The following FRMD8 variants were observed in gnomAD, a reference collection of about 807,000 sequenced individuals.
FRMD8 encodes the protein FERM domain-containing protein 8.
In FRMD8, 37 loss-of-function variants were observed where a neutral mutation model predicts 54.2. The ratio of observed to expected loss-of-function variants is 0.68; its 90% CI spans 0.53 to 0.90. The LOEUF is 0.90. FRMD8 is among the 40% of genes least tolerant of loss of function. FRMD8 has a pLI of 0.00. For missense variants in FRMD8, 585 were observed against 653.7 expected (o/e 0.89, Z 1.15); for synonymous variants, 246 against 286.9 (o/e 0.86, Z 1.44).
the FRMD8 span, among the ~76,000 whole-genome samples, chr11:65,374,636 G>T: frequency 1.3e-5 from 2 of 152,136 alleles, no homozygotes; most frequent in Non-Finnish European, 2.9e-5. Context: ...TCAGTTAAAA[G>T]AACCCTCTCA....
At chr11:65,386,400 C>T (rs1855730207), upstream of FRMD8, among the ~76,000 whole-genome samples, 1 of 152,232 alleles carries the variant, frequency 6.6e-6, no homozygotes, top group African/African-American at 2.4e-5. Flanking sequence ...GAATCTTCGC[C>T]AAACCCTCTT....
chr11:65,387,210 G>A (rs777760481), intron 2 of FRMD8, 89 bp downstream of exon 2: 91 of 1,040,400 alleles, frequency 8.7e-5, no homozygotes, highest in South Asian at 1.3e-4. Context: ...TTTCATTAAA[G>A]ATAATTTATG....
the FRMD8 span, chr11:65,376,993 T>TG: frequency 8.1e-5 from 131 of 1,613,216 alleles, no homozygotes; most frequent in Non-Finnish European, 1.0e-4. Context: ...GGTACCGGGG[T>TG]GGGGGGCTCC....
upstream of FRMD8, among the ~76,000 whole-genome samples, chr11:65,384,552 C>T (rs191689579): frequency 3.3e-5 from 5 of 152,264 alleles, no homozygotes; most frequent in East Asian, 9.6e-4. Context: ...TAAATGGCAA[C>T]TGCTAATACT....
intron 3 of FRMD8, among the ~76,000 whole-genome samples, chr11:65,390,488 T>C (rs1435946764): frequency 6.6e-6 from 1 of 152,066 alleles, no homozygotes; most frequent in Non-Finnish European, 1.5e-5. Context: ...TTATGTCTTC[T>C]CCTGAGGCTG....
At chr11:65,394,228 G>A (rs1426433233) in intron 5 of FRMD8, 31 bp from the exon 6 acceptor site, 1 of 1,593,844 alleles carries the variant, frequency 6.3e-7, no homozygotes, top group Non-Finnish European at 8.5e-7. Context: ...CAGCCCAGCT[G>A]AGCGGCTGTC....
At chr11:65,382,352 C>T (rs2137830821), upstream of FRMD8, 2 of 239,650 alleles carry the variant, frequency 8.3e-6, no homozygotes, top group East Asian at 8.9e-5. This position sits in a 1 kb window ranked among gnomAD's most constrained non-coding sequence, Gnocchi z 4.4. Context: ...TCATCTCCAC[C>T]AAGGGGCATG....
At chr11:65,386,261 G>A (rs1855727976), upstream of FRMD8, among the ~76,000 whole-genome samples, 2 of 152,176 alleles carry the variant, frequency 1.3e-5, no homozygotes, top group Admixed American at 6.5e-5. Flanking sequence ...ACTGCCGAGA[G>A]CGCCACGGTA....
At chr11:65,382,176 C>T, upstream of FRMD8, 1 of 580,382 alleles carries the variant, frequency 1.7e-6, no homozygotes, top group South Asian at 2.0e-5. This position sits in a 1 kb window ranked among gnomAD's most constrained non-coding sequence, Gnocchi z 4.4. Context: ...GTCTCACGGG[C>T]CAGGCGTGCC....
At chr11:65,381,779 A>G (rs1855572474), upstream of FRMD8, 1 of 1,106,444 alleles carries the variant, frequency 9.0e-7, no homozygotes. Context: ...ACTGGTCTCA[A>G]ACTCCTGGGC....
intron 3 of FRMD8, among the ~76,000 whole-genome samples, chr11:65,391,041 CT>C (rs1197064451): frequency 6.6e-6 from 1 of 152,276 alleles, no homozygotes; most frequent in African/African-American, 2.4e-5. Context: ...CCCTGCACCC[CT>C]GATGGGGTGA....
intron 2 of FRMD8, among the ~76,000 whole-genome samples, chr11:65,388,803 TA>T (rs1397385232): frequency 5.9e-5 from 9 of 152,194 alleles, no homozygotes; most frequent in Non-Finnish European, 1.3e-4. Flanking sequence ...CTGGGTGACC[TA>T]AAGAATTATC....
chr11:65,407,374 C>T (rs1302567295), intron 10 of FRMD8, among the ~76,000 whole-genome samples: 1 of 151,792 alleles, frequency 6.6e-6, no homozygotes, highest in African/African-American at 2.4e-5. Context: ...GCCTCAGCCT[C>T]CCTAGTAGCT....
In FRMD8 at chr11:65,399,722, A is replaced by G. The variant is rs773120049; in HGVS notation, c.804-14A>G. 1.9e-6 allele frequency: 3 copies of G among 1,613,544 alleles called. No individual in the cohort carries two copies. In the East Asian group the frequency reaches 6.7e-5, roughly 36 times the overall value. On this transcript the variant is annotated splice_polypyrimidine_tract_variant and intron_variant, in intron 7 of 10. Coordinates refer to ENST00000317568, the MANE Select transcript of FRMD8 (RefSeq NM_031904.5). ...CTGGTGCTGGCCGGAGGCTGACCCC[A>G]GTCCCCTCCCCAGGTGTGCCTTCTT...
chr11:65,405,940 G>A (rs1856186193), intron 10 of FRMD8, among the ~76,000 whole-genome samples: 1 of 152,060 alleles, frequency 6.6e-6, no homozygotes, highest in Non-Finnish European at 1.5e-5. Context: ...GGAGTTGGAG[G>A]TTTGCAGTGA....
chr11:65,411,711 CCCAGTGGCAGCT>C lies in FRMD8; in HGVS notation c.*359_*370del, dbSNP rs1856338359. ...TGGGCAGTGTCCCTGTTCTGAAGTG[CCCAGTGGCAGCT>C]CCAGTGGTAGAGGACCAAGGATTGA... is the stretch of plus-strand genomic sequence containing the variant. On this transcript the variant is annotated 3_prime_UTR_variant, in exon 11 of 11. Coordinates refer to ENST00000317568, the MANE Select transcript of FRMD8 (RefSeq NM_031904.5). 1.1e-5 allele frequency: 2 copies of C among 188,046 alleles called. No homozygotes were observed. The highest frequency in any genetic ancestry group is 4.7e-5 in the African/African-American group (2 of 42,812). 11.6% of individuals were successfully genotyped at this position (188,046 alleles called of 1,614,324 possible). A position where few individuals can be genotyped will look rare whatever the true frequency, so the allele number is the denominator to read the frequency against.
chr11:65,380,773 C>T, the FRMD8 span: 3 of 357,738 alleles, frequency 8.4e-6, no homozygotes, highest in Middle Eastern at 9.9e-4. Flanking sequence ...AGGTTCAGAA[C>T]GTCCCTCTCT....
In FRMD8 at chr11:65,400,701, G is replaced by C; in HGVS notation, c.928-23G>C. 1 of 1,555,918 alleles carries C rather than the reference G, an allele frequency of 6.4e-7. No individual in the cohort carries two copies. Among genetic ancestry groups the C allele is most frequent in the Non-Finnish European group, 8.7e-7 (1 of 1,151,710 alleles). On this transcript the variant is annotated intron_variant, in intron 8 of 10. Transcript: ENST00000317568. The surrounding 1 kb of genome is among the most constrained non-coding windows in gnomAD (Gnocchi z 4.3). ...GACCTCTGCCCAGGGGTCAAGCCTGGCTCTGTGTCTCCTGCTGGCCAGCAT... is the reference window on the plus strand; with the variant it reads ...GACCTCTGCCCAGGGGTCAAGCCTGCCTCTGTGTCTCCTGCTGGCCAGCAT...
At chr11:65,394,467 GA>G in intron 6 of FRMD8, 42 bp downstream of exon 6, 1 of 1,536,148 alleles carries the variant, frequency 6.5e-7, no homozygotes, top group Non-Finnish European at 8.7e-7. Flanking sequence ...CTGGGTGGGG[GA>G]GTTTGTCCTT....
Sources: allele counts gnomAD v4.1 joint callset (sites outside exome capture counted in the v4.1 genomes callset), GRCh38; gene constraint gnomAD v4.1.1; non-coding constraint Gnocchi (gnomAD v3.1); transcripts MANE v1.5; gene names NCBI Gene and HGNC (gene_info 2026-07-23, HGNC 2026-07-21).